SEC24A: variants seen among roughly 807,000 people sequenced by gnomAD.
SEC24A encodes the protein protein transport protein Sec24A.
Under a neutral mutation model 129.4 loss-of-function variants are expected in SEC24A, and 93 were observed. The observed-to-expected ratio is 0.72, with a 90% CI of 0.61 to 0.85. The LOEUF is 0.85. Ranked by LOEUF, SEC24A falls within the 40% of genes least tolerant of loss-of-function variation. The pLI is 0.00. For missense variants in SEC24A, 1,264 were observed against 1,307.4 expected, an observed-to-expected ratio of 0.97 and a Z score of 0.51; for synonymous variants, 460 against 467.3, an observed-to-expected ratio of 0.98 and a Z score of 0.20.
At position 134,723,625 on chromosome 5, in the gene SEC24A, G is replaced by T; in HGVS notation, c.3122G>T (p.Trp1041Leu). The change falls in exon 22 of 23, where the codon TGG becomes TTG. Residue 1041 changes from tryptophan to leucine, a missense_variant. By Grantham distance (61) the Trp-to-Leu change is moderately conservative (BLOSUM62 -2). Coordinates refer to ENST00000398844, the MANE Select transcript of SEC24A (RefSeq NM_021982.3). ...GCCAGAATAATAGCTTTCATCTCTT[G>T]GCTTAGAGAGCAGAGACCATTTTTC... ...ESARIIAFISWLREQRPFFPI... is the reference protein window; with the variant it reads ...ESARIIAFISLLREQRPFFPI... 6.2e-7 allele frequency: 1 copy of T among 1,612,940 alleles called. No homozygotes were observed. The highest frequency in any genetic ancestry group is 8.5e-7 in the Non-Finnish European group (1 of 1,179,116).
In SEC24A at chr5:134,652,212, G is replaced by A. The variant is rs555276711; in HGVS notation, c.97+3039G>A. ...GCTGGGATTACAGGCGTGAGCCACC[G>A]CGCCTGGCCGAAAAGTCTTAAGTAT... On this transcript the variant is annotated intron_variant, in intron 1 of 22. Transcript: ENST00000398844. Among the ~76,000 whole-genome samples the A allele has an allele frequency of 4.6e-5, 7 of 151,978 alleles. No homozygotes were observed. The South Asian group carries it at 8.3e-4, about 18-fold the overall frequency.
At chr5:134,673,268 A>C (rs924817527) in intron 4 of SEC24A, among the ~76,000 whole-genome samples, 1 of 151,304 alleles carries the variant, frequency 6.6e-6, no homozygotes, top group Admixed American at 6.6e-5. Context: ...GTTGGCCAGG[A>C]TAGTCTCGAT....
At chr5:134,708,360 A>C (rs1752226162) in intron 17 of SEC24A, among the ~76,000 whole-genome samples, 1 of 152,178 alleles carries the variant, frequency 6.6e-6, no homozygotes, top group Non-Finnish European at 1.5e-5. Flanking sequence ...GTTTCGAAAC[A>C]TTGTGCATTT....
chr5:134,674,019 G>A (rs1391760775), intron 4 of SEC24A, among the ~76,000 whole-genome samples: 1 of 152,004 alleles, frequency 6.6e-6, no homozygotes, highest in Non-Finnish European at 1.5e-5. Flanking sequence ...TGTAGTCCCA[G>A]CTACTCGAGA....
chr5:134,656,243 C>T (rs1044609451), intron 1 of SEC24A, among the ~76,000 whole-genome samples: 10 of 151,854 alleles, frequency 6.6e-5, no homozygotes, highest in East Asian at 1.9e-4. Flanking sequence ...CCACCACACC[C>T]GGCAAATTTT....
At chr5:134,676,371 C>G (rs1363619514) in intron 7 of SEC24A, among the ~76,000 whole-genome samples, 1 of 150,636 alleles carries the variant, frequency 6.6e-6, no homozygotes, top group Non-Finnish European at 1.5e-5. Context: ...AACTCCTGAC[C>G]TCGTGATCCA....
At chr5:134,680,454 T>A (rs1751227376) in intron 8 of SEC24A, among the ~76,000 whole-genome samples, 1 of 152,146 alleles carries the variant, frequency 6.6e-6, no homozygotes, top group South Asian at 2.1e-4. Flanking sequence ...TGCCTCAGCC[T>A]CCTGAGTAGC....
At chr5:134,686,018 T>G (rs1400892175) in intron 9 of SEC24A, among the ~76,000 whole-genome samples, 1 of 152,050 alleles carries the variant, frequency 6.6e-6, no homozygotes, top group African/African-American at 2.4e-5. Flanking sequence ...AGTCTTATGT[T>G]TTTATGAGAT....
chr5:134,700,235 T>A (rs754346679), intron 15 of SEC24A, among the ~76,000 whole-genome samples: 24 of 152,048 alleles, frequency 1.6e-4, no homozygotes, highest in Non-Finnish European at 3.2e-4. Flanking sequence ...TTTTTCTTTT[T>A]TTGGAGACAG....
At chr5:134,657,724 G>A (rs763249754) in intron 1 of SEC24A, among the ~76,000 whole-genome samples, 3 of 152,038 alleles carry the variant, frequency 2.0e-5, no homozygotes, top group Non-Finnish European at 4.4e-5. Context: ...ATATAGGCAC[G>A]TGCCACCACA....
chr5:134,666,802 G>GA, intron 2 of SEC24A, 21 bp from the exon 3 acceptor site: 1 of 1,612,950 alleles, frequency 6.2e-7, no homozygotes, highest in South Asian at 1.1e-5. Flanking sequence ...AGTGACGTGT[G>GA]AAAAACCAAT....
chr5:134,649,467 G>T (rs965080649), intron 1 of SEC24A, among the ~76,000 whole-genome samples: 50 of 152,090 alleles, frequency 3.3e-4, no homozygotes, highest in Admixed American at 1.3e-4. Context: ...CGAATATAAG[G>T]ATCATAGTGT....
At chr5:134,649,248 G>T in intron 1 of SEC24A, 75 bp downstream of exon 1, 2 of 1,104,974 alleles carry the variant, frequency 1.8e-6, no homozygotes, top group South Asian at 3.0e-5. Context: ...TGCTTGAGGC[G>T]ACATAGATAG....
intron 19 of SEC24A, among the ~76,000 whole-genome samples, chr5:134,715,925 C>A (rs1752465002): frequency 6.7e-6 from 1 of 149,174 alleles, no homozygotes; most frequent in South Asian, 2.1e-4. Context: ...TTTTTTGTTA[C>A]AGAAATCATT....
At chr5:134,673,084 C>G (rs1392186255) in intron 4 of SEC24A, among the ~76,000 whole-genome samples, 1 of 111,926 alleles carries the variant, frequency 8.9e-6, no homozygotes, top group Non-Finnish European at 1.8e-5. Flanking sequence ...GAGATGGATT[C>G]TTGCTGTGTC....
In SEC24A at chr5:134,721,495, G is replaced by A. The variant is rs1159581472; in HGVS notation, c.3063+405G>A. Among the ~76,000 whole-genome samples, 3 of 150,216 alleles carry A rather than the reference G, an allele frequency of 2.0e-5. No homozygotes were observed. In the Admixed American group the frequency reaches 2.0e-4, roughly 10 times the overall value. ...GGAGAATCGCTTGAACCCAGGAGGT[G>A]GACATTGCAGTGAGCCAAGATTGTA... On this transcript the variant is annotated intron_variant, in intron 21 of 22. Transcript: ENST00000398844.
Position 134,726,990 on chromosome 5 carries a change from T to C in SEC24A, c.*1896T>C, listed in dbSNP as rs1238806602. The C allele has an allele frequency of 6.6e-6, 1 of 152,444 alleles. No individual in the cohort carries two copies. Among genetic ancestry groups the C allele is most frequent in the Non-Finnish European group, 1.5e-5 (1 of 67,930 alleles). The allele number at this position is 152,444 out of a possible 1,614,324, so 9.4% of individuals were successfully genotyped here. Reference sequence around the variant, plus strand: ...ATATTATTTTAGATACGGTGTAACATGTGCAATTCAGAATAATTTTATAAC... The same window carrying C: ...ATATTATTTTAGATACGGTGTAACACGTGCAATTCAGAATAATTTTATAAC... On this transcript the variant is annotated 3_prime_UTR_variant, in exon 23 of 23. Transcript: ENST00000398844.
At chr5:134,699,852 C>T (rs906104999) in intron 15 of SEC24A, among the ~76,000 whole-genome samples, 2 of 151,966 alleles carry the variant, frequency 1.3e-5, no homozygotes, top group African/African-American at 4.8e-5. Context: ...AGGTGCCTGA[C>T]ACTACGCCTG....
chr5:134,700,340 C>A (rs1426740622), intron 15 of SEC24A, among the ~76,000 whole-genome samples: 1 of 151,920 alleles, frequency 6.6e-6, no homozygotes, highest in East Asian at 1.9e-4. Flanking sequence ...TTAGCTCAGC[C>A]TCCCGAATAA....
Sources: allele counts gnomAD v4.1 joint callset (sites outside exome capture counted in the v4.1 genomes callset), GRCh38; gene constraint gnomAD v4.1.1; transcripts MANE v1.5; gene names NCBI Gene and HGNC (gene_info 2026-07-23, HGNC 2026-07-21).